CD99: variants seen among roughly 807,000 people sequenced by gnomAD.
The protein encoded by CD99 is CD99 antigen.
Under a neutral mutation model 28.4 loss-of-function variants are expected in CD99, and 19 were observed. The ratio of observed to expected loss-of-function variants is 0.67; its 90% CI spans 0.47 to 0.98. CD99 has a LOEUF of 0.98. CD99 is among the 50% of genes least tolerant of loss of function. The pLI, the probability that CD99 is intolerant of heterozygous loss-of-function variation, is 0.00. For synonymous variants in CD99, 103 were observed against 92.1 expected, an observed-to-expected ratio of 1.12 and a Z score of -0.67; for missense variants, 283 against 248.8, an observed-to-expected ratio of 1.14 and a Z score of -0.92.
intron 7 of CD99, among the ~76,000 whole-genome samples, chrX:2,725,501 C>T (rs1187381105): frequency 1.3e-5 from 2 of 152,206 alleles, no homozygotes; most frequent in African/African-American, 2.4e-5. Flanking sequence ...AGCATTCTAA[C>T]GATACAAAAC....
At chrX:2,709,654 ATACACATG>A (rs1156516526) in intron 1 of CD99, among the ~76,000 whole-genome samples, 3 of 152,264 alleles carry the variant, frequency 2.0e-5, no homozygotes, top group Non-Finnish European at 4.4e-5. Flanking sequence ...CGTATATGAA[ATACACATG>A]TACACATGAG....
intron 8 of CD99, among the ~76,000 whole-genome samples, chrX:2,730,860 G>A (rs2124228020): frequency 6.7e-6 from 1 of 150,212 alleles, no homozygotes; most frequent in African/African-American, 2.5e-5. Context: ...AACCCGGGAG[G>A]CAGAGGTTGC....
chrX:2,703,920 G>C (rs1221691156), intron 1 of CD99, among the ~76,000 whole-genome samples: 1 of 152,032 alleles, frequency 6.6e-6, no homozygotes, highest in African/African-American at 2.4e-5. Flanking sequence ...TGTGGAAGGG[G>C]TGACAGGGAC....
intron 8 of CD99, among the ~76,000 whole-genome samples, chrX:2,728,050 A>G (rs1245576283): frequency 6.6e-6 from 1 of 152,132 alleles, no homozygotes; most frequent in Non-Finnish European, 1.5e-5. Context: ...CGTGAAATGG[A>G]GAGTCCTAAA....
intron 8 of CD99, chrX:2,733,240 G>A: frequency 9.3e-7 from 1 of 1,076,854 alleles, no homozygotes. Flanking sequence ...CTTGCTCAGA[G>A]CAGCTCTTTC....
intron 1 of CD99, among the ~76,000 whole-genome samples, chrX:2,705,907 T>C (rs895060925): frequency 6.6e-6 from 1 of 152,004 alleles, no homozygotes; most frequent in Admixed American, 6.6e-5. Flanking sequence ...GGACTTCCGG[T>C]GCTTGCTCCA....
intron 1 of CD99, 198 bp downstream of exon 1, chrX:2,691,625 G>C (rs1270637446): frequency 1.4e-6 from 1 of 719,356 alleles, no homozygotes; most frequent in Non-Finnish European, 2.5e-6. Context: ...TCCTGGAGCC[G>C]TTCCAGAGAG....
chrX:2,738,003 A>G, intron 8 of CD99, 197 bp from the exon 9 acceptor site: 1 of 721,800 alleles, frequency 1.4e-6, no homozygotes, highest in Non-Finnish European at 2.6e-6. Flanking sequence ...CCATGCATGA[A>G]AAAATACTGG....
intron 1 of CD99, among the ~76,000 whole-genome samples, chrX:2,693,819 A>C (rs1020632270): frequency 2.7e-4 from 41 of 152,256 alleles, no homozygotes; most frequent in Middle Eastern, 3.4e-3. Flanking sequence ...CCACAGGGCG[A>C]CGTTGGCCCC....
intron 8 of CD99, among the ~76,000 whole-genome samples, chrX:2,735,763 C>T (rs943846946): frequency 6.6e-6 from 1 of 152,118 alleles, no homozygotes; most frequent in Non-Finnish European, 1.5e-5. Flanking sequence ...GAATGTTCTT[C>T]TCTTCAGGGG....
At chrX:2,695,367 G>A (rs2047523174) in intron 1 of CD99, among the ~76,000 whole-genome samples, 1 of 151,912 alleles carries the variant, frequency 6.6e-6, no homozygotes, top group African/African-American at 2.4e-5. Flanking sequence ...TGCATATCTG[G>A]CTAATTTTTG....
intron 2 of CD99, chrX:2,714,898 GAGGAAAAGCAAGATGCCCTTGTTAA>G: frequency 2.6e-5 from 4 of 156,640 alleles, no homozygotes. Context: ...CATAGATGAC[GAGGAAAAGCAAGATGCCCTTGTTAA>G]GATAAATGAA....
At chrX:2,733,494 TC>T in intron 8 of CD99, 1 of 1,040,162 alleles carries the variant, frequency 9.6e-7, no homozygotes, top group Non-Finnish European at 1.4e-6. Context: ...GCTGGCAAAT[TC>T]CCACCACGAT....
At chrX:2,728,359 C>T (rs747749969) in intron 8 of CD99, among the ~76,000 whole-genome samples, 1 of 152,012 alleles carries the variant, frequency 6.6e-6, no homozygotes, top group South Asian at 2.1e-4. Flanking sequence ...CCACGCACAG[C>T]TAATTTTTGT....
At chrX:2,691,468 C>A in intron 1 of CD99, 41 bp downstream of exon 1, 1 of 1,554,452 alleles carries the variant, frequency 6.4e-7, no homozygotes, top group Non-Finnish European at 8.6e-7. Context: ...ACGCGGAGGG[C>A]GCGGGCCGGG....
At chrX:2,712,605 T>G (rs778411796) in intron 1 of CD99, among the ~76,000 whole-genome samples, 2 of 152,232 alleles carry the variant, frequency 1.3e-5, no homozygotes, top group East Asian at 1.9e-4. Flanking sequence ...TGTAATTGCA[T>G]TTATGATGTC....
At chrX:2,728,845 T>TC (rs1174492634) in intron 8 of CD99, among the ~76,000 whole-genome samples, 1 of 149,356 alleles carries the variant, frequency 6.7e-6, no homozygotes, top group East Asian at 1.9e-4. Flanking sequence ...TTTTTTTTTT[T>TC]TTTTTTTTTG....
chrX:2,704,241 A>G (rs751797475), intron 1 of CD99, among the ~76,000 whole-genome samples: 4 of 152,258 alleles, frequency 2.6e-5, no homozygotes, highest in Non-Finnish European at 5.9e-5. Flanking sequence ...ATGGCACACG[A>G]ACAAAAGAAA....
Position 2,739,594 on chromosome X carries a change from C to A in CD99, c.533-1185C>A, listed in dbSNP as rs183592153. 5.0e-4 allele frequency among the ~76,000 whole-genome samples: 76 copies of A among 152,062 alleles called. No homozygotes were observed. The East Asian group carries it at 0.014, about 29-fold the overall frequency. ...CCTTCTGAGTAGCTGAGACCACAGGCACCCGCCATCATGCCCCACTAATTT... is the reference window on the plus strand; with the variant it reads ...CCTTCTGAGTAGCTGAGACCACAGGAACCCGCCATCATGCCCCACTAATTT... On this transcript the variant is annotated intron_variant, in intron 9 of 9. Coordinates refer to ENST00000381192, the MANE Select transcript of CD99 (RefSeq NM_002414.5).
Sources: allele counts gnomAD v4.1 joint callset (sites outside exome capture counted in the v4.1 genomes callset), GRCh38; gene constraint gnomAD v4.1.1; transcripts MANE v1.5; gene names NCBI Gene and HGNC (gene_info 2026-07-23, HGNC 2026-07-21).